SLC16A7: variants seen among roughly 807,000 people sequenced by gnomAD.
The protein encoded by SLC16A7 is solute carrier family 16 member 7, also known as monocarboxylate transporter 2.
Under a neutral mutation model 34.9 loss-of-function variants are expected in SLC16A7, and 33 were observed. The observed-to-expected ratio is 0.94, with a 90% CI of 0.72 to 1.26. SLC16A7 has a LOEUF of 1.26. Among genes scored for constraint, SLC16A7 ranks in the 50% most tolerant of loss-of-function variants. The probability of loss-of-function intolerance (pLI) is 0.00; values close to 1 mark genes in which losing one functional copy is unlikely to be tolerated. For synonymous variants in SLC16A7, 201 were observed against 206.6 expected (o/e 0.97, Z 0.23); for missense variants, 573 against 578.1 (o/e 0.99, Z 0.09).
rs1247837900 is a variant in SLC16A7, at chr12:59,789,788, A to G, written c.*10109A>G. On this transcript the variant is annotated 3_prime_UTR_variant, in exon 6 of 6. Coordinates refer to ENST00000547379, the MANE Select transcript of SLC16A7 (RefSeq NM_001270623.2). ...ATATATATTTCTATAATATGTAAGA[A>G]AAAACCTGTATTGCTTATTAAATTA... 6.6e-6 allele frequency: 1 copy of G among 150,562 alleles called. No individual in the cohort carries two copies. The highest frequency in any genetic ancestry group is 1.9e-4 in the East Asian group (1 of 5,200). The allele number at this position is 150,562 out of a possible 1,614,324, so 9.3% of individuals were successfully genotyped here.
At chr12:59,763,219 A>G (rs1881204901) in intron 3 of SLC16A7, among the ~76,000 whole-genome samples, 1 of 152,088 alleles carries the variant, frequency 6.6e-6, no homozygotes, top group African/African-American at 2.4e-5. Context: ...AAGCAGATAC[A>G]GGTTTTTGTC....
intron 3 of SLC16A7, among the ~76,000 whole-genome samples, chr12:59,767,654 C>T (rs918030135): frequency 1.6e-4 from 25 of 152,120 alleles, no homozygotes; most frequent in African/African-American, 6.0e-4. Context: ...TTGAGACCTG[C>T]TGCTAAGAAA....
intron 1 of SLC16A7, among the ~76,000 whole-genome samples, chr12:59,630,269 T>C (rs958379668): frequency 2.6e-5 from 4 of 151,906 alleles, no homozygotes; most frequent in African/African-American, 9.7e-5. Context: ...ATTGGTTCAC[T>C]TGTGGAATAC....
rs1383707110 is a variant in SLC16A7, at chr12:59,671,849, A to ATATGTG, written c.-31+16602_-31+16603insGTGTAT. On this transcript the variant is annotated intron_variant, in intron 2 of 5. Coordinates refer to ENST00000547379, the MANE Select transcript of SLC16A7 (RefSeq NM_001270623.2). ...TATGTATATATGTATATATGTGTAT[A>ATATGTG]TATATGTGTATATGTATATATGTGT... Among the ~76,000 whole-genome samples, 71 of 111,004 alleles carry ATATGTG rather than the reference A, an allele frequency of 6.4e-4. 1 individual carries two copies. The highest frequency in any genetic ancestry group is 2.1e-3 in the African/African-American group (54 of 25,250). 72.8% of individuals were successfully genotyped at this position (111,004 alleles called of 152,430 possible). A position where few individuals can be genotyped will look rare whatever the true frequency, so the allele number is the denominator to read the frequency against.
intron 3 of SLC16A7, among the ~76,000 whole-genome samples, chr12:59,745,049 T>C (rs544722964): frequency 2.0e-5 from 3 of 152,292 alleles, no homozygotes; most frequent in East Asian, 1.9e-4. Context: ...CTAAGGTTAG[T>C]TGATTCTGGA....
intron 2 of SLC16A7, among the ~76,000 whole-genome samples, chr12:59,655,815 G>A (rs1389895118): frequency 6.6e-6 from 1 of 151,880 alleles, no homozygotes; most frequent in Non-Finnish European, 1.5e-5. Context: ...AAGCAGGTCA[G>A]GGATTTCAAT....
At chr12:59,760,822 T>A (rs973908783) in intron 3 of SLC16A7, among the ~76,000 whole-genome samples, 2 of 152,082 alleles carry the variant, frequency 1.3e-5, no homozygotes, top group Admixed American at 6.6e-5. Flanking sequence ...ATTTCTGGAA[T>A]TTTCCATTTA....
chr12:59,743,653 A>G (rs1232334097), intron 3 of SLC16A7, among the ~76,000 whole-genome samples: 1 of 152,216 alleles, frequency 6.6e-6, no homozygotes, highest in Non-Finnish European at 1.5e-5. Context: ...TTTTTATTAA[A>G]CAAATTAAAT....
intron 2 of SLC16A7, among the ~76,000 whole-genome samples, chr12:59,679,967 A>T (rs1870618122): frequency 6.6e-6 from 1 of 152,210 alleles, no homozygotes; most frequent in South Asian, 2.1e-4. Flanking sequence ...TTAATATTCC[A>T]TAACTCCAAG....
rs930965590 is a variant in SLC16A7 at position 59,775,220 on chromosome 12, A to T, written c.925A>T (p.Ile309Phe). ...AGGATTAATTGCAAACTCCAAATAT[A>T]TTCGACCTCGAATTCAGTACTTCTT... ...SVGLIANSKYIRPRIQYFFSF... is the reference protein window; with the variant it reads ...SVGLIANSKYFRPRIQYFFSF... Residue 309 changes from isoleucine to phenylalanine, a missense_variant, in exon 5 of 6, where the codon ATT becomes TTT. Transcript: ENST00000547379. The T allele has an allele frequency of 6.2e-6, 10 of 1,614,030 alleles. No individual in the cohort carries two copies. Among genetic ancestry groups the T allele is most frequent in the Non-Finnish European group, 8.5e-6 (10 of 1,180,008 alleles).
At chr12:59,748,306 C>G (rs1879118840) in intron 3 of SLC16A7, among the ~76,000 whole-genome samples, 1 of 152,222 alleles carries the variant, frequency 6.6e-6, no homozygotes, top group Non-Finnish European at 1.5e-5. Flanking sequence ...TGTAAACAAA[C>G]ATAAGGACAC....
At chr12:59,664,200 G>T (rs971616046) in intron 2 of SLC16A7, among the ~76,000 whole-genome samples, 1 of 152,002 alleles carries the variant, frequency 6.6e-6, no homozygotes, top group Non-Finnish European at 1.5e-5. Context: ...ATGGGGTAGT[G>T]GGTATAAATT....
intron 3 of SLC16A7, among the ~76,000 whole-genome samples, chr12:59,728,527 A>G (rs961497261): frequency 2.6e-5 from 4 of 152,232 alleles, no homozygotes; most frequent in Admixed American, 2.6e-4. Flanking sequence ...ACCTATCGTC[A>G]TCCAGGTGTG....
In SLC16A7 at chr12:59,612,623, C is replaced by T. The variant is rs146805412; in HGVS notation, c.-130+16387C>T. ...TTTTCTTTTCTATCACATCATCAGG[C>T]TGCATATTTTCCAAACTTTTATGCT... On this transcript the variant is annotated intron_variant, in intron 1 of 5. Transcript: ENST00000547379. Among the ~76,000 whole-genome samples the T allele has an allele frequency of 6.3e-3, 961 of 152,298 alleles. 6 individuals are homozygous for T. The highest frequency in any genetic ancestry group is 0.022 in the African/African-American group (928 of 41,554).
At chr12:59,643,889 G>A (rs2137009302) in intron 1 of SLC16A7, among the ~76,000 whole-genome samples, 1 of 152,198 alleles carries the variant, frequency 6.6e-6, no homozygotes, top group Middle Eastern at 3.4e-3. Flanking sequence ...TTCAGTTTTG[G>A]AGAGTGACTT....
At chr12:59,640,500 A>T (rs530374984) in intron 1 of SLC16A7, among the ~76,000 whole-genome samples, 1 of 149,354 alleles carries the variant, frequency 6.7e-6, no homozygotes, top group South Asian at 2.1e-4. Context: ...TTGTTATGAG[A>T]AATTAAATAC....
intron 3 of SLC16A7, among the ~76,000 whole-genome samples, chr12:59,763,346 A>G (rs77399129): frequency 0.012 from 1,840 of 152,242 alleles, 41 homozygotes; most frequent in African/African-American, 0.041. Context: ...GTATTAGTCA[A>G]TTATTTGAAC....
chr12:59,653,144 T>A (rs184575068), intron 1 of SLC16A7, among the ~76,000 whole-genome samples: 1 of 151,926 alleles, frequency 6.6e-6, no homozygotes, highest in African/African-American at 2.4e-5. Context: ...TACTGCACTA[T>A]TTTTGCAGAA....
intron 1 of SLC16A7, among the ~76,000 whole-genome samples, chr12:59,611,248 A>AG (rs923436901): frequency 6.6e-6 from 1 of 152,220 alleles, no homozygotes; most frequent in Non-Finnish European, 1.5e-5. Context: ...GACTCAGCAA[A>AG]CTTAACAGTC....
Sources: allele counts gnomAD v4.1 joint callset (sites outside exome capture counted in the v4.1 genomes callset), GRCh38; gene constraint gnomAD v4.1.1; transcripts MANE v1.5; gene names NCBI Gene and HGNC (gene_info 2026-07-23, HGNC 2026-07-21).